The following EYS variants were observed in gnomAD, a reference collection of about 807,000 sequenced individuals.
EYS encodes the protein EGF-like photoreceptor maintenance factor.
EYS carries 250 observed loss-of-function variants against 282.1 expected under a neutral mutation model. The observed-to-expected ratio is 0.89, with a 90% CI of 0.80 to 0.98. The LOEUF is 0.98. Ranked by LOEUF, EYS falls within the 50% of genes least tolerant of loss-of-function variation. The pLI is 0.00. For missense variants in EYS, 4,016 were observed against 3,709.0 expected (o/e 1.08, Z -2.15); for synonymous variants, 1,355 against 1,282.9 (o/e 1.06, Z -1.20).
At chr6:64,001,155 C>T (rs1459403133) in intron 33 of EYS, among the ~76,000 whole-genome samples, 2 of 152,162 alleles carry the variant, frequency 1.3e-5, no homozygotes, top group African/African-American at 2.4e-5. Flanking sequence ...ACCACTTAAC[C>T]TTTCTTCCCT....
chr6:64,151,343 A>G (rs866949996), intron 31 of EYS, among the ~76,000 whole-genome samples: 1 of 118,672 alleles, frequency 8.4e-6, no homozygotes, highest in Non-Finnish European at 1.6e-5. Context: ...ATATATATAT[A>G]TATATATATA....
Position 64,230,830 on chromosome 6 carries a change from A to C in EYS, c.6192-6T>G. ...ACAGCATAAATCCCTGGGATCTGTG[A>C]TTTATAAACAGACAAGAAAACAAAA... On this transcript the variant is annotated splice_region_variant and splice_polypyrimidine_tract_variant and intron_variant, in intron 30 of 42. Transcript: ENST00000503581. The C allele has an allele frequency of 6.6e-7, 1 of 1,507,006 alleles. No homozygotes were observed. Among genetic ancestry groups the C allele is most frequent in the Non-Finnish European group, 9.0e-7 (1 of 1,112,626 alleles). 93.4% of individuals were successfully genotyped at this position (1,507,006 alleles called of 1,614,324 possible).
chr6:65,241,091 A>C (rs1767046636), intron 12 of EYS, among the ~76,000 whole-genome samples: 2 of 152,166 alleles, frequency 1.3e-5, no homozygotes, highest in Non-Finnish European at 2.9e-5. Flanking sequence ...GTAGAAAATG[A>C]CTGGTTTTGT....
At chr6:65,155,296 T>C (rs1039021115) in intron 12 of EYS, among the ~76,000 whole-genome samples, 5 of 151,488 alleles carry the variant, frequency 3.3e-5, no homozygotes, top group Admixed American at 1.3e-4. Flanking sequence ...CTGATTCTAA[T>C]GGAATTAGAT....
At chr6:65,116,974 C>T (rs564644440) in intron 12 of EYS, among the ~76,000 whole-genome samples, 17 of 152,276 alleles carry the variant, frequency 1.1e-4, no homozygotes, top group Admixed American at 7.8e-4. Flanking sequence ...ATATTCCTTT[C>T]TTCCCAGGTG....
At chr6:64,157,943 A>G in intron 31 of EYS, among the ~76,000 whole-genome samples, 1 of 152,150 alleles carries the variant, frequency 6.6e-6, no homozygotes, top group Admixed American at 6.5e-5. Flanking sequence ...CAGACCCCAG[A>G]ATAGTAGATC....
intron 28 of EYS, among the ~76,000 whole-genome samples, chr6:64,402,828 T>A (rs536622639): frequency 2.6e-4 from 39 of 152,344 alleles, no homozygotes; most frequent in South Asian, 1.7e-3. Context: ...TTCTTTTTCC[T>A]TTTGTGTTTG....
chr6:65,554,034 A>G (rs1768697637), intron 2 of EYS, among the ~76,000 whole-genome samples: 1 of 152,162 alleles, frequency 6.6e-6, no homozygotes, highest in Non-Finnish European at 1.5e-5. Flanking sequence ...TGCCTTTATG[A>G]GAGAAACTCC....
At chr6:64,239,374 T>A (rs1766717942) in intron 30 of EYS, among the ~76,000 whole-genome samples, 1 of 152,218 alleles carries the variant, frequency 6.6e-6, no homozygotes, top group Non-Finnish European at 1.5e-5. Context: ...CTACCAACAG[T>A]GTAAAAGCAT....
chr6:65,439,524 T>C (rs946935232), intron 5 of EYS, among the ~76,000 whole-genome samples: 6 of 152,172 alleles, frequency 3.9e-5, no homozygotes, highest in Non-Finnish European at 7.3e-5. Context: ...TTTTATTTCG[T>C]TGAGCACTGG....
chr6:64,275,644 C>T (rs892615196), intron 30 of EYS, among the ~76,000 whole-genome samples: 2 of 151,440 alleles, frequency 1.3e-5, no homozygotes, highest in African/African-American at 4.8e-5. Flanking sequence ...TCTCTATCTC[C>T]TGAACTCGTG....
intron 29 of EYS, among the ~76,000 whole-genome samples, chr6:64,348,461 A>G (rs554862643): frequency 2.0e-5 from 1 of 50,540 alleles, no homozygotes; most frequent in Non-Finnish European, 4.3e-5. Context: ...AGTAACTTTC[A>G]GATATGTGTT....
chr6:64,413,184 G>A (rs148066946), intron 28 of EYS, among the ~76,000 whole-genome samples: 1 of 152,106 alleles, frequency 6.6e-6, no homozygotes, highest in African/African-American at 2.4e-5. Flanking sequence ...CCTCTACTCT[G>A]CCATAGTTTT....
At chr6:64,315,081 G>A (rs1452524925) in intron 29 of EYS, among the ~76,000 whole-genome samples, 3 of 151,936 alleles carry the variant, frequency 2.0e-5, no homozygotes, top group Admixed American at 1.3e-4. Flanking sequence ...AATAAAAAAT[G>A]ATAAAGGGGA....
intron 22 of EYS, among the ~76,000 whole-genome samples, chr6:64,749,724 T>G (rs570746190): frequency 6.6e-6 from 1 of 152,266 alleles, no homozygotes; most frequent in African/African-American, 2.4e-5. Flanking sequence ...TTTGAACAAC[T>G]TGGACTAGAA....
At chr6:65,351,665 G>A (rs757067568) in intron 9 of EYS, among the ~76,000 whole-genome samples, 5 of 151,740 alleles carry the variant, frequency 3.3e-5, no homozygotes, top group African/African-American at 1.2e-4. Flanking sequence ...TTCCTACTAT[G>A]AGATAAAGGA....
At chr6:64,198,478 C>A (rs887952624) in intron 31 of EYS, among the ~76,000 whole-genome samples, 2 of 151,896 alleles carry the variant, frequency 1.3e-5, no homozygotes, top group African/African-American at 2.4e-5. Context: ...CCTCCCCTGG[C>A]CCCCCACTCC....
intron 12 of EYS, among the ~76,000 whole-genome samples, chr6:65,101,929 C>T (rs2150183688): frequency 6.6e-6 from 1 of 151,342 alleles, no homozygotes; most frequent in East Asian, 1.9e-4. Context: ...CTCCCAGACA[C>T]ATTGTGCTGT....
chr6:64,695,843 A>G (rs1338587782), intron 22 of EYS, among the ~76,000 whole-genome samples: 5 of 152,074 alleles, frequency 3.3e-5, no homozygotes, highest in African/African-American at 1.2e-4. Flanking sequence ...TCATAGACAC[A>G]GCCTCACATA....
Sources: allele counts gnomAD v4.1 joint callset (sites outside exome capture counted in the v4.1 genomes callset), GRCh38; gene constraint gnomAD v4.1.1; transcripts MANE v1.5; gene names NCBI Gene and HGNC (gene_info 2026-07-23, HGNC 2026-07-21).